AGBL1: variants seen among roughly 807,000 people sequenced by gnomAD.
AGBL1 encodes AGBL carboxypeptidase 1, also known as cytosolic carboxypeptidase 4.
AGBL1 carries 130 observed loss-of-function variants against 118.9 expected under a neutral mutation model. That is an observed-to-expected ratio of 1.09 (90% CI 0.95 to 1.26). The LOEUF (loss-of-function observed/expected upper bound fraction) is 1.26. Among genes scored for constraint, AGBL1 ranks in the 50% most tolerant of loss-of-function variants. AGBL1 has a pLI of 0.00. For missense variants in AGBL1, 1,584 were observed against 1,298.1 expected, an observed-to-expected ratio of 1.22 and a Z score of -3.38; for synonymous variants, 555 against 478.9, an observed-to-expected ratio of 1.16 and a Z score of -2.08.
downstream of AGBL1, among the ~76,000 whole-genome samples, chr15:86,919,685 C>A (rs1341639531): frequency 6.6e-6 from 1 of 152,014 alleles, no homozygotes; most frequent in Admixed American, 6.6e-5. Context: ...TAATTTGGTG[C>A]CTGTTGCAGA....
At chr15:86,217,397 T>G (rs762935877) in intron 5 of AGBL1, among the ~76,000 whole-genome samples, 2 of 152,110 alleles carry the variant, frequency 1.3e-5, no homozygotes, top group Non-Finnish European at 2.9e-5. Context: ...GACTAAGTGG[T>G]AGGGGTAGAA....
At chr15:86,611,550 A>G (rs922279841) in intron 21 of AGBL1, among the ~76,000 whole-genome samples, 2 of 152,200 alleles carry the variant, frequency 1.3e-5, no homozygotes, top group African/African-American at 2.4e-5. Flanking sequence ...AATCCCAGGA[A>G]GAAAGAGTTA....
At chr15:86,711,927 T>G (rs1156513123) in intron 22 of AGBL1, among the ~76,000 whole-genome samples, 1 of 152,168 alleles carries the variant, frequency 6.6e-6, no homozygotes, top group Non-Finnish European at 1.5e-5. Context: ...GGACAAGACA[T>G]TTTAGGTGCT....
chr15:86,675,688 G>A (rs2142553751), intron 22 of AGBL1, among the ~76,000 whole-genome samples: 1 of 152,212 alleles, frequency 6.6e-6, no homozygotes. Flanking sequence ...GCTTCCACCT[G>A]CCAGCATATA....
At chr15:86,456,851 T>G (rs2082265993) in intron 18 of AGBL1, among the ~76,000 whole-genome samples, 2 of 152,220 alleles carry the variant, frequency 1.3e-5, no homozygotes, top group African/African-American at 4.8e-5. Flanking sequence ...GCTTTCTTGT[T>G]CAGACTTTAT....
At chr15:86,765,018 G>C (rs936389217) in intron 22 of AGBL1, among the ~76,000 whole-genome samples, 1 of 151,918 alleles carries the variant, frequency 6.6e-6, no homozygotes, top group Non-Finnish European at 1.5e-5. Context: ...TGTGTTCCTA[G>C]GAGAAACCAG....
intron 3 of AGBL1, among the ~76,000 whole-genome samples, 193 bp from the exon 4 acceptor site, chr15:86,154,237 G>C (rs574659416): frequency 1.3e-5 from 2 of 152,268 alleles, no homozygotes; most frequent in East Asian, 3.9e-4. Context: ...AATATGTGTA[G>C]CCTGAATTAG....
chr15:86,272,594 C>T (rs961994420), intron 15 of AGBL1, among the ~76,000 whole-genome samples: 1 of 152,026 alleles, frequency 6.6e-6, no homozygotes, highest in Admixed American at 6.6e-5. Context: ...GAGTATATAC[C>T]CTTATGCCTC....
intron 16 of AGBL1, among the ~76,000 whole-genome samples, chr15:86,280,515 T>C (rs183689104): frequency 8.7e-4 from 132 of 152,324 alleles, no homozygotes; most frequent in African/African-American, 3.1e-3. Flanking sequence ...AACTAACCCT[T>C]ACTGCTACCA....
chr15:86,149,717 A>G (rs1351858029), intron 3 of AGBL1, among the ~76,000 whole-genome samples: 2 of 152,224 alleles, frequency 1.3e-5, no homozygotes, highest in African/African-American at 4.8e-5. Flanking sequence ...AGACAGATCA[A>G]TGAGACAGAA....
At chr15:86,874,408 A>ACACACACACACACC (rs1488549369) in intron 22 of AGBL1, among the ~76,000 whole-genome samples, 2 of 150,708 alleles carry the variant, frequency 1.3e-5, no homozygotes, top group Non-Finnish European at 3.0e-5. Flanking sequence ...ACACACACAC[A>ACACACACACACACC]CCCTGGGGCC....
At chr15:86,897,764 CTTTT>C (rs71460231) in intron 22 of AGBL1, among the ~76,000 whole-genome samples, 1 of 80,622 alleles carries the variant, frequency 1.2e-5, no homozygotes. Context: ...CATCTTTTAT[CTTTT>C]TTTTTTTTTT....
chr15:86,946,581 C>A (rs1211249163), intron 23 of AGBL1, among the ~76,000 whole-genome samples: 1 of 152,066 alleles, frequency 6.6e-6, no homozygotes, highest in East Asian at 1.9e-4. Context: ...GGCGCAGGGG[C>A]TCAAGCCTGT....
chr15:86,781,474 C>T (rs919264533), intron 22 of AGBL1, among the ~76,000 whole-genome samples: 1 of 152,096 alleles, frequency 6.6e-6, no homozygotes, highest in Non-Finnish European at 1.5e-5. Flanking sequence ...GAGTGCATGA[C>T]CCATGACAGG....
At chr15:86,865,134 C>T (rs548593608) in intron 22 of AGBL1, among the ~76,000 whole-genome samples, 35 of 152,206 alleles carry the variant, frequency 2.3e-4, no homozygotes, top group Admixed American at 7.2e-4. Context: ...GGTGAATGAA[C>T]ACAACAACAA....
intron 17 of AGBL1, among the ~76,000 whole-genome samples, chr15:86,307,431 G>T (rs2079856983): frequency 6.7e-6 from 1 of 150,334 alleles, no homozygotes; most frequent in African/African-American, 2.4e-5. Flanking sequence ...AAATTTGTTA[G>T]TTTTTTTTTG....
At chr15:86,767,632 A>C (rs1310511960) in intron 22 of AGBL1, among the ~76,000 whole-genome samples, 1 of 151,930 alleles carries the variant, frequency 6.6e-6, no homozygotes, top group African/African-American at 2.4e-5. Flanking sequence ...TATTTCTTTC[A>C]ACACTTTCCC....
chr15:86,439,508 C>T (rs2082036800), intron 18 of AGBL1, among the ~76,000 whole-genome samples: 1 of 151,926 alleles, frequency 6.6e-6, no homozygotes, highest in South Asian at 2.1e-4. Context: ...TTTTTATTCT[C>T]CAAGGCTTAG....
At chr15:86,776,789 T>A (rs28720991) in intron 22 of AGBL1, among the ~76,000 whole-genome samples, 19,325 of 112,436 alleles carry the variant, frequency 0.17, 1,373 homozygotes, top group Middle Eastern at 0.23. Context: ...TGTGTGTGTG[T>A]GAGAGAGAGA....
Sources: gnomAD v4.1 joint callset for allele counts (sites outside exome capture counted in the v4.1 genomes callset) on GRCh38, gnomAD v4.1.1 for gene constraint, MANE v1.5 for transcripts, NCBI Gene and HGNC (gene_info 2026-07-23, HGNC 2026-07-21) for gene names.